The following EDDM13 variants were observed in gnomAD, a reference collection of about 807,000 sequenced individuals.
EDDM13 encodes epididymal protein 13.
EDDM13 carries 24 observed loss-of-function variants against 17.8 expected under a neutral mutation model. The observed-to-expected ratio is 1.35, with a 90% CI of 0.98 to 1.90. EDDM13 has a LOEUF of 1.90. EDDM13 is among the 40% of genes most tolerant of loss of function. The pLI is 0.00. For synonymous variants in EDDM13, 31 were observed against 37.5 expected (o/e 0.83, Z 0.63); for missense variants, 97 against 100.8 (o/e 0.96, Z 0.16).
chr19:56,293,821 A>G (rs1254823196), intron 9 of EDDM13, among the ~76,000 whole-genome samples: 1 of 152,106 alleles, frequency 6.6e-6, no homozygotes, highest in Non-Finnish European at 1.5e-5. Flanking sequence ...GTTGCTACAC[A>G]TCCTACAATG....
intron 14 of EDDM13, among the ~76,000 whole-genome samples, chr19:56,305,552 A>C (rs999550858): frequency 6.6e-6 from 1 of 152,164 alleles, no homozygotes; most frequent in African/African-American, 2.4e-5. Flanking sequence ...AAGTTATGTT[A>C]GAATATCTGT....
rs77059068 is a variant in EDDM13, at chr19:56,305,384, C to G, written c.461+554C>G. Reference sequence around the variant, plus strand: ...GTTTATTCATTTGGCATAATATTTCCAAGGTTCATCATGGTATACCTTGTA... The same window carrying G: ...GTTTATTCATTTGGCATAATATTTCGAAGGTTCATCATGGTATACCTTGTA... On this transcript the variant is annotated intron_variant, in intron 14 of 14. Transcript: ENST00000649256. Among the ~76,000 whole-genome samples, 664 of 152,258 alleles carry G rather than the reference C, an allele frequency of 4.4e-3. 13 individuals carry two copies. The East Asian group carries it at 0.052, about 12-fold the overall frequency.
At chr19:56,302,131 G>A (rs1332162475) in intron 13 of EDDM13, 36 bp downstream of exon 13, 21 of 1,226,174 alleles carry the variant, frequency 1.7e-5, no homozygotes, top group Non-Finnish European at 2.0e-5. Context: ...AGGAGTGTGA[G>A]GAGAGGAAGG....
chr19:56,281,213 C>G (rs973740453), intron 2 of EDDM13, among the ~76,000 whole-genome samples: 4 of 152,064 alleles, frequency 2.6e-5, no homozygotes, highest in Admixed American at 6.6e-5. Context: ...GTCATCTTCA[C>G]AATGAGTAGG....
chr19:56,293,214 G>C (rs993396700), intron 9 of EDDM13, among the ~76,000 whole-genome samples: 2 of 152,170 alleles, frequency 1.3e-5, no homozygotes, highest in Non-Finnish European at 2.9e-5. Context: ...TGGTTGTTAA[G>C]TGCTTGACTC....
intron 12 of EDDM13, among the ~76,000 whole-genome samples, chr19:56,300,356 C>T (rs1044943947): frequency 1.3e-5 from 2 of 152,120 alleles, no homozygotes; most frequent in Non-Finnish European, 1.5e-5. Context: ...CATGGTTCAC[C>T]GTAAATTCAC....
chr19:56,280,921 C>A (rs535517954), intron 2 of EDDM13, among the ~76,000 whole-genome samples: 48 of 152,196 alleles, frequency 3.2e-4, no homozygotes, highest in African/African-American at 1.1e-3. Flanking sequence ...CACATTTGAC[C>A]CTTGAACAAT....
At chr19:56,299,308 T>A (rs1010983504) in intron 12 of EDDM13, among the ~76,000 whole-genome samples, 3 of 152,040 alleles carry the variant, frequency 2.0e-5, no homozygotes, top group African/African-American at 7.2e-5. Context: ...ATTTATTAAA[T>A]TTTTTGTAGA....
intron 9 of EDDM13, chr19:56,295,123 C>CTT (rs776295362): frequency 5.9e-5 from 9 of 152,104 alleles, no homozygotes; most frequent in Non-Finnish European, 1.2e-4. Context: ...TTGTGAATGT[C>CTT]CTAAAAACTA....
intron 14 of EDDM13, among the ~76,000 whole-genome samples, chr19:56,307,901 AG>A (rs1233948819): frequency 6.6e-6 from 1 of 152,260 alleles, no homozygotes; most frequent in African/African-American, 2.4e-5. Flanking sequence ...CCTGGCAGGA[AG>A]CCTCTGCCCC....
At chr19:56,298,651 CA>C (rs35911666) in intron 12 of EDDM13, among the ~76,000 whole-genome samples, 67,534 of 138,662 alleles carry the variant, frequency 0.49, 16,050 homozygotes, top group Admixed American at 0.57. Flanking sequence ...GACTCCATCT[CA>C]AAAAAAAAAA....
intron 2 of EDDM13, among the ~76,000 whole-genome samples, chr19:56,280,951 A>G (rs2038649763): frequency 6.6e-6 from 1 of 152,118 alleles, no homozygotes; most frequent in African/African-American, 2.4e-5. Flanking sequence ...AGGGGCACCA[A>G]CCTCCAGTGC....
At chr19:56,286,675 G>A (rs2039149004) in intron 6 of EDDM13, 1 of 152,238 alleles carries the variant, frequency 6.6e-6, no homozygotes, top group Admixed American at 6.5e-5. Context: ...AGTGTTATGA[G>A]TTAAAGATGC....
chr19:56,299,559 C>T (rs922862182), intron 12 of EDDM13, among the ~76,000 whole-genome samples: 3 of 152,220 alleles, frequency 2.0e-5, no homozygotes, highest in Admixed American at 6.5e-5. Flanking sequence ...ACAGTTGTCC[C>T]TCAGTATCCT....
chr19:56,293,517 G>C (rs1401083771), intron 9 of EDDM13, among the ~76,000 whole-genome samples: 3 of 152,216 alleles, frequency 2.0e-5, no homozygotes, highest in Admixed American at 2.0e-4. Context: ...GGAACTGGCA[G>C]AGAGTGTGCA....
chr19:56,306,041 G>T (rs1445363316), intron 14 of EDDM13, among the ~76,000 whole-genome samples: 1 of 152,130 alleles, frequency 6.6e-6, no homozygotes, highest in South Asian at 2.1e-4. Flanking sequence ...GACCACCTCA[G>T]ACCTGGAAGA....
chr19:56,274,520 A>G (rs2038106167), intron 1 of EDDM13: 1 of 152,146 alleles, frequency 6.6e-6, no homozygotes, highest in Non-Finnish European at 1.5e-5. Flanking sequence ...TTTATTTTGA[A>G]ATTATTTTAG....
chr19:56,286,645 G>A (rs374266157), intron 6 of EDDM13: 1 of 152,266 alleles, frequency 6.6e-6, no homozygotes, highest in South Asian at 2.1e-4. Context: ...CCCGCTGTTC[G>A]GTGGAAATAA....
intron 6 of EDDM13, among the ~76,000 whole-genome samples, chr19:56,288,053 G>C (rs551364123): frequency 6.6e-6 from 1 of 152,286 alleles, no homozygotes; most frequent in Admixed American, 6.5e-5. Flanking sequence ...GAGATGGAGT[G>C]AGTTGCTGAT....
Sources: gnomAD v4.1 joint callset for allele counts (sites outside exome capture counted in the v4.1 genomes callset) on GRCh38, gnomAD v4.1.1 for gene constraint, MANE v1.5 for transcripts, NCBI Gene and HGNC (gene_info 2026-07-23, HGNC 2026-07-21) for gene names.